Variants in STAT5B observed in about 807,000 individuals in gnomAD.
STAT5B encodes transcription factor STAT5B.
A neutral mutation model predicts 107.8 loss-of-function variants in STAT5B; 21 were observed. That is an observed-to-expected ratio of 0.19 (90% CI 0.14 to 0.28). STAT5B has a LOEUF of 0.28. STAT5B is among the 10% of genes least tolerant of loss of function. The pLI, the probability that STAT5B is intolerant of heterozygous loss-of-function variation, is 1.00. For synonymous variants in STAT5B, 325 were observed against 401.7 expected (o/e 0.81, Z 2.28); for missense variants, 565 against 1,008.2 (o/e 0.56, Z 5.95).
At position 42,218,713 on chromosome 17, in the gene STAT5B, C is replaced by A. The variant is rs1417741135; in HGVS notation, c.989+10G>T. The A allele has an allele frequency of 2.5e-6, 4 of 1,612,100 alleles. No individual in the cohort carries two copies. Among genetic ancestry groups the A allele is most frequent in the Non-Finnish European group, 2.5e-6 (3 of 1,179,122 alleles). On this transcript the variant is annotated intron_variant, in intron 8 of 18. Transcript: ENST00000293328. The stretch of plus-strand genomic sequence containing the variant: ...CAAGCTCCTGGGCATGGCAAACAGG[C>A]AGCAGTCACCTGGTCACCAGGGCTG...
intron 1 of STAT5B, among the ~76,000 whole-genome samples, chr17:42,242,766 G>C (rs1034954549): frequency 6.6e-6 from 1 of 152,056 alleles, no homozygotes. Flanking sequence ...TCAAGCATTC[G>C]AGACCAGCCT....
chr17:42,244,900 TTTTA>T (rs1481468190), intron 1 of STAT5B, among the ~76,000 whole-genome samples: 8 of 151,610 alleles, frequency 5.3e-5, no homozygotes, highest in African/African-American at 1.7e-4. Flanking sequence ...TAAATTTTTA[TTTTA>T]TTTATTTATT....
At chr17:42,266,220 C>T (rs1440139716) in intron 1 of STAT5B, among the ~76,000 whole-genome samples, 1 of 151,968 alleles carries the variant, frequency 6.6e-6, no homozygotes, top group Non-Finnish European at 1.5e-5. Context: ...GACCTCTTCA[C>T]ATTTGGGTAA....
intron 5 of STAT5B, among the ~76,000 whole-genome samples, chr17:42,222,404 GCTAGGGAAGCTCTGTCCATAAGGGCTAC>G (rs2080237926): frequency 6.6e-6 from 1 of 152,134 alleles, no homozygotes; most frequent in Admixed American, 6.5e-5. Context: ...TTTATACCAG[GCTAGGGAAGCTCTGTCCATAAGGGCTAC>G]CTAAGGGGCG....
chr17:42,239,904 T>A (rs1567668479), intron 1 of STAT5B, among the ~76,000 whole-genome samples: 1 of 152,164 alleles, frequency 6.6e-6, no homozygotes, highest in East Asian at 1.9e-4. Context: ...GGCGGGTGGA[T>A]CACCTGAGGT....
chr17:42,232,843 T>G (rs1013766280), intron 1 of STAT5B, among the ~76,000 whole-genome samples: 8 of 150,250 alleles, frequency 5.3e-5, no homozygotes, highest in Admixed American at 1.3e-4. Context: ...GCAGAGAGTT[T>G]TTTTTTTTTT....
At chr17:42,266,367 AAAT>A (rs1333479678) in intron 1 of STAT5B, among the ~76,000 whole-genome samples, 20 of 151,562 alleles carry the variant, frequency 1.3e-4, no homozygotes, top group Non-Finnish European at 1.0e-4. Context: ...ACTCTTTAAA[AAAT>A]AATAATAATA....
In STAT5B at chr17:42,211,413, G is replaced by A. The variant is rs772852969; in HGVS notation, c.1680+571C>T. On this transcript the variant is annotated intron_variant, in intron 13 of 18. Transcript: ENST00000293328. ...CCCAGCTACTCGGGAGGCTGAGGCA[G>A]GAGAATCGCTTGAAACCAGGAGGCG... 4.9e-4 allele frequency among the ~76,000 whole-genome samples: 75 copies of A among 152,156 alleles called. 1 individual carries two copies. Among genetic ancestry groups the A allele is most frequent in the Non-Finnish European group, 8.2e-4 (56 of 68,042 alleles).
At chr17:42,221,057 G>C (rs1214405411) in intron 5 of STAT5B, among the ~76,000 whole-genome samples, 3 of 152,206 alleles carry the variant, frequency 2.0e-5, no homozygotes, top group Admixed American at 2.0e-4. Context: ...GCTGGCCCCT[G>C]AGGGCCACGT....
upstream of STAT5B, among the ~76,000 whole-genome samples, chr17:42,281,156 A>C (rs542097524): frequency 1.5e-3 from 226 of 152,086 alleles, 1 homozygote; most frequent in Non-Finnish European, 1.8e-3. Flanking sequence ...CAAAAACAAA[A>C]ACAAAAAAAA....
intron 8 of STAT5B, 69 bp from the exon 9 acceptor site, chr17:42,218,399 G>T: frequency 1.3e-6 from 2 of 1,572,054 alleles, no homozygotes; most frequent in Non-Finnish European, 1.7e-6. Context: ...CAGTCCCTCT[G>T]TGGTGGGGGT....
chr17:42,226,221 C>T (rs1236076306), intron 3 of STAT5B, among the ~76,000 whole-genome samples: 1 of 152,128 alleles, frequency 6.6e-6, no homozygotes, highest in Non-Finnish European at 1.5e-5. Flanking sequence ...TGGTGTGAGC[C>T]ACTGCACCCA....
chr17:42,230,668 T>G (rs2080309863), intron 2 of STAT5B, among the ~76,000 whole-genome samples: 2 of 144,848 alleles, frequency 1.4e-5, no homozygotes, highest in Admixed American at 1.4e-4. Context: ...TTTAGTTTTG[T>G]TTTTTTTTTT....
intron 2 of STAT5B, among the ~76,000 whole-genome samples, chr17:42,230,729 C>T (rs1038608937): frequency 6.6e-5 from 10 of 151,574 alleles, no homozygotes; most frequent in South Asian, 2.1e-4. Flanking sequence ...AGTGCGATCT[C>T]GGCTCACTGC....
intron 2 of STAT5B, among the ~76,000 whole-genome samples, chr17:42,229,728 C>G (rs538112041): frequency 6.6e-6 from 1 of 151,424 alleles, no homozygotes; most frequent in African/African-American, 2.4e-5. Flanking sequence ...AAAATTAGCT[C>G]GGTGTGGTGG....
At chr17:42,203,595 T>C (rs2080063058) in intron 16 of STAT5B, among the ~76,000 whole-genome samples, 1 of 152,098 alleles carries the variant, frequency 6.6e-6, no homozygotes. Context: ...ATGATTTATC[T>C]TAGGAAGGAC....
intron 1 of STAT5B, among the ~76,000 whole-genome samples, chr17:42,263,869 G>GCGCACACA (rs1555553699): frequency 3.2e-5 from 2 of 63,454 alleles, no homozygotes; most frequent in African/African-American, 1.2e-4. Context: ...ACTAGAAAGC[G>GCGCACACA]CGCACACACA....
intron 16 of STAT5B, among the ~76,000 whole-genome samples, chr17:42,203,731 A>G (rs2080064528): frequency 6.6e-6 from 1 of 151,898 alleles, no homozygotes. Flanking sequence ...GGTTCAAGTG[A>G]TTCTCATGCT....
chr17:42,231,909 C>T (rs2080320522), intron 2 of STAT5B, 91 bp downstream of exon 2: 1 of 1,579,108 alleles, frequency 6.3e-7, no homozygotes, highest in South Asian at 1.1e-5. Context: ...AAAAATACAA[C>T]TTTGAAAGTT....
Sources: allele counts gnomAD v4.1 joint callset (sites outside exome capture counted in the v4.1 genomes callset), GRCh38; gene constraint gnomAD v4.1.1; transcripts MANE v1.5; gene names NCBI Gene and HGNC (gene_info 2026-07-23, HGNC 2026-07-21).